PAPSS2: variants seen among roughly 807,000 people sequenced by gnomAD.
The protein encoded by PAPSS2 is bifunctional 3'-phosphoadenosine 5'-phosphosulfate synthase 2.
A neutral mutation model predicts 66.5 loss-of-function variants in PAPSS2; 61 were observed. The ratio of observed to expected loss-of-function variants is 0.92; its 90% confidence interval spans 0.75 to 1.14. PAPSS2 has a LOEUF of 1.14. Among genes scored for constraint, PAPSS2 ranks in the 50% most tolerant of loss-of-function variants. PAPSS2 has a pLI of 0.00. For missense variants in PAPSS2, 708 were observed against 789.6 expected, an observed-to-expected ratio of 0.90 and a Z score of 1.24; for synonymous variants, 289 against 287.5, an observed-to-expected ratio of 1.01 and a Z score of -0.05.
intron 8 of PAPSS2, 66 bp from the exon 9 acceptor site, chr10:87,727,218 G>T: frequency 7.3e-7 from 1 of 1,361,652 alleles, no homozygotes; most frequent in South Asian, 1.2e-5. Flanking sequence ...GTGCACATTT[G>T]ATTCATGCTT....
intron 5 of PAPSS2, 37 bp downstream of exon 5, chr10:87,714,900 A>C: frequency 6.9e-7 from 1 of 1,459,692 alleles, no homozygotes; most frequent in Non-Finnish European, 9.6e-7. Context: ...TATGTTTAAT[A>C]AAATCATGAA....
In PAPSS2 at chr10:87,743,445, G is replaced by A. The variant is rs758670430; in HGVS notation, c.1295G>A (p.Arg432His). The change falls in exon 11 of 13, where the codon CGC becomes CAC. Residue 432 changes from arginine to histidine, a missense_variant. Transcript: ENST00000456849. ...GCCCTGTTGATGCAGGACACTCGCC[G>A]CAGGCTCCTAGAGAGGGGCTACAAG... is the stretch of plus-strand genomic sequence containing the variant. ...GHALLMQDTR[R>H]RLLERGYKHP... The A allele has an allele frequency of 7.4e-6, 12 of 1,614,030 alleles. No homozygotes were observed. Among genetic ancestry groups the A allele is most frequent in the Admixed American group, 1.7e-5 (1 of 60,008 alleles).
rs754157873 is a variant in PAPSS2 at position 87,741,285 on chromosome 10, G to A, written c.1137G>A (p.Leu379=). 1.2e-6 allele frequency: 2 copies of A among 1,613,732 alleles called. No individual in the cohort carries two copies. The highest frequency in any genetic ancestry group is 1.7e-6 in the Non-Finnish European group (2 of 1,179,594). Residue 379 remains leucine, a synonymous_variant, in exon 10 of 13, where the codon CTG becomes CTA. Coordinates refer to ENST00000456849, the MANE Select transcript of PAPSS2 (RefSeq NM_001015880.2). Reference sequence around the variant, plus strand: ...TGGTTGGTGGAGACCTTCAGGTGCTGGAGAAAATAAGATGGAATGATGGGC... The same window carrying A: ...TGGTTGGTGGAGACCTTCAGGTGCTAGAGAAAATAAGATGGAATGATGGGC... The part of the protein sequence containing the change: ...DWLVGGDLQV[L]EKIRWNDGLD...
At chr10:87,677,086 C>T (rs781019872) in intron 1 of PAPSS2, among the ~76,000 whole-genome samples, 20 of 151,820 alleles carry the variant, frequency 1.3e-4, no homozygotes, top group Admixed American at 7.2e-4. Context: ...CCCAGCTACT[C>T]CAGAGATTGA....
chr10:87,713,537 T>C (rs1778836913), intron 3 of PAPSS2, among the ~76,000 whole-genome samples: 1 of 152,092 alleles, frequency 6.6e-6, no homozygotes, highest in South Asian at 2.1e-4. Context: ...CCAGTAGACA[T>C]AAACCCTTCC....
At chr10:87,681,504 T>C (rs945859061) in intron 1 of PAPSS2, among the ~76,000 whole-genome samples, 2 of 152,236 alleles carry the variant, frequency 1.3e-5, no homozygotes, top group Non-Finnish European at 2.9e-5. Flanking sequence ...GTCAAGGTTT[T>C]CATCAAAGAA....
chr10:87,677,179 G>A (rs1852960560), intron 1 of PAPSS2, among the ~76,000 whole-genome samples: 1 of 152,148 alleles, frequency 6.6e-6, no homozygotes, highest in Non-Finnish European at 1.5e-5. Flanking sequence ...GGGCAACAGA[G>A]CGAGACTCCA....
At chr10:87,721,026 C>A (rs1400280725) in intron 7 of PAPSS2, among the ~76,000 whole-genome samples, 2 of 152,180 alleles carry the variant, frequency 1.3e-5, no homozygotes, top group East Asian at 3.8e-4. Context: ...AATGGCTATT[C>A]TTCCGCAGCT....
intron 2 of PAPSS2, among the ~76,000 whole-genome samples, chr10:87,711,876 G>C (rs775102608): frequency 2.0e-5 from 3 of 151,888 alleles, no homozygotes; most frequent in Non-Finnish European, 4.4e-5. Flanking sequence ...AGGTGCTGTC[G>C]GACAGAGGCT....
intron 1 of PAPSS2, among the ~76,000 whole-genome samples, chr10:87,689,484 T>C (rs1163680221): frequency 7.3e-5 from 11 of 151,560 alleles, no homozygotes; most frequent in Non-Finnish European, 1.6e-4. Flanking sequence ...CAGCCTAACA[T>C]GGTGAAACCC....
At position 87,706,579 on chromosome 10, in the gene PAPSS2, A is replaced by G. The variant is rs115788021; in HGVS notation, c.28-2617A>G. On this transcript the variant is annotated intron_variant, in intron 1 of 12. Coordinates refer to ENST00000456849, the MANE Select transcript of PAPSS2 (RefSeq NM_001015880.2). ...GGAGATCAGCCTGGGCAACAAGGTG[A>G]GACCCTATCTGTACAAAAAAAAAAA... is the stretch of plus-strand genomic sequence containing the variant. 7.3e-3 allele frequency among the ~76,000 whole-genome samples: 1,078 copies of G among 147,466 alleles called. 22 individuals carry two copies. Among genetic ancestry groups the G allele is most frequent in the African/African-American group, 0.026 (1,013 of 38,748 alleles).
chr10:87,681,202 G>A (rs1010474896), intron 1 of PAPSS2, among the ~76,000 whole-genome samples: 3 of 152,308 alleles, frequency 2.0e-5, no homozygotes, highest in East Asian at 1.9e-4. Flanking sequence ...TGTACATAGC[G>A]TTGGATCGTG....
intron 7 of PAPSS2, among the ~76,000 whole-genome samples, chr10:87,717,436 T>C (rs1853545183): frequency 6.6e-6 from 1 of 152,204 alleles, no homozygotes; most frequent in African/African-American, 2.4e-5. Context: ...GCCTGAGATC[T>C]AGGACTTCAG....
chr10:87,742,377 C>T (rs1853880487), intron 10 of PAPSS2, among the ~76,000 whole-genome samples: 1 of 152,298 alleles, frequency 6.6e-6, no homozygotes, highest in South Asian at 2.1e-4. Flanking sequence ...CTGCAGATTA[C>T]AGTGGCTACC....
chr10:87,693,848 T>G (rs994792883), intron 1 of PAPSS2, among the ~76,000 whole-genome samples: 9 of 152,236 alleles, frequency 5.9e-5, no homozygotes, highest in Admixed American at 2.0e-4. Context: ...CTGCTTTGGC[T>G]TTTTCTGTGG....
intron 7 of PAPSS2, among the ~76,000 whole-genome samples, chr10:87,716,753 G>A (rs900898709): frequency 1.3e-5 from 2 of 152,122 alleles, no homozygotes; most frequent in Admixed American, 6.5e-5. Context: ...TTATTCTTTT[G>A]CTGTGACAGA....
At chr10:87,681,917 A>G (rs1171041089) in intron 1 of PAPSS2, among the ~76,000 whole-genome samples, 1 of 152,198 alleles carries the variant, frequency 6.6e-6, no homozygotes, top group Non-Finnish European at 1.5e-5. Context: ...TTGTGTGGGT[A>G]TACCACATTT....
At chr10:87,671,159 C>T (rs12241601) in intron 1 of PAPSS2, among the ~76,000 whole-genome samples, 2,478 of 152,228 alleles carry the variant, frequency 0.016, 61 homozygotes, top group African/African-American at 0.057. Context: ...AACACAAGTG[C>T]CATGTTTTCA....
Position 87,746,182 on chromosome 10 carries a change from A to T in PAPSS2, c.*212A>T. ...ACTGAAGACCAAATCTTAGCAGGTA[A>T]AAGCAATATTCTTATACATTTCATA... On this transcript the variant is annotated 3_prime_UTR_variant, in exon 13 of 13. Transcript: ENST00000456849. The T allele has an allele frequency of 2.5e-6, 1 of 400,450 alleles. No individual in the cohort carries two copies. The allele number at this position is 400,450 out of a possible 1,614,324, so 24.8% of individuals were successfully genotyped here.
Sources: gnomAD v4.1 joint callset for allele counts (sites outside exome capture counted in the v4.1 genomes callset) on GRCh38, gnomAD v4.1.1 for gene constraint, MANE v1.5 for transcripts, NCBI Gene and HGNC (gene_info 2026-07-23, HGNC 2026-07-21) for gene names.